B4GALNT3: variants seen among roughly 807,000 people sequenced by gnomAD.
B4GALNT3 encodes beta-1,4-N-acetyl-galactosaminyltransferase 3.
Under a neutral mutation model 120.2 loss-of-function variants are expected in B4GALNT3, and 86 were observed. The ratio of observed to expected loss-of-function variants is 0.72; its 90% CI spans 0.60 to 0.86. The LOEUF (loss-of-function observed/expected upper bound fraction) is 0.86, where lower values mean the gene tolerates loss of function less well. B4GALNT3 is among the 40% of genes least tolerant of loss of function. The pLI is 0.00. For synonymous variants in B4GALNT3, 518 were observed against 510.4 expected, an observed-to-expected ratio of 1.01 and a Z score of -0.20; for missense variants, 1,167 against 1,298.9, an observed-to-expected ratio of 0.90 and a Z score of 1.56.
intron 1 of B4GALNT3, among the ~76,000 whole-genome samples, chr12:470,684 A>C (rs1946127079): frequency 6.6e-6 from 1 of 152,204 alleles, no homozygotes; most frequent in Non-Finnish European, 1.5e-5. Flanking sequence ...TAGAGAAATG[A>C]GGGAACGAAA....
Position 553,858 on chromosome 12 carries a change from C to G in B4GALNT3, c.1935C>G (p.Phe645Leu), listed in dbSNP as rs1592057270. ...CCTTCAGTGCCCGGAATCTCGACTTCCAAGCCCTGAGGACTGACTGGATCG... is the reference window on the plus strand; with the variant it reads ...CCTTCAGTGCCCGGAATCTCGACTTGCAAGCCCTGAGGACTGACTGGATCG... ...DQTFSARNLD[F>L]QALRTDWIDL... Residue 645 changes from phenylalanine (F) to leucine (L), a missense_variant, in exon 14 of 20, where the codon TTC (phenylalanine) becomes TTG (leucine). Physicochemically the swap from Phe to Leu is conservative, Grantham distance 22. Around this residue, in one of 3 missense-constraint regions of B4GALNT3, gnomAD observed 983 missense variants for 1,102.5 expected, o/e 0.89. Coordinates refer to ENST00000266383, the MANE Select transcript of B4GALNT3 (RefSeq NM_173593.4). 3 of 1,614,182 alleles carry G rather than the reference C, an allele frequency of 1.9e-6. No individual in the cohort carries two copies. The Middle Eastern group carries it at 4.9e-4, about 266-fold the overall frequency.
intron 1 of B4GALNT3, among the ~76,000 whole-genome samples, chr12:494,818 C>CG (rs35825059): frequency 1.1e-3 from 167 of 150,430 alleles, no homozygotes; most frequent in African/African-American, 3.6e-3. Context: ...CTAATGTGTG[C>CG]GGGGGGGAGT....
Position 553,997 on chromosome 12 carries a change from C to T in B4GALNT3, c.2060+14C>T. The T allele has an allele frequency of 3.2e-6, 5 of 1,585,872 alleles. No individual in the cohort carries two copies. Among genetic ancestry groups the T allele is most frequent in the Non-Finnish European group, 4.3e-6 (5 of 1,159,574 alleles). On this transcript the variant is annotated intron_variant, in intron 14 of 19. Transcript: ENST00000266383. ...GAGGAGCCGGGGGTAAGGTAAAGGGCTCTCCTGGGGCCAGGGACTGGGGCA... is the reference window on the plus strand; with the variant it reads ...GAGGAGCCGGGGGTAAGGTAAAGGGTTCTCCTGGGGCCAGGGACTGGGGCA...
At chr12:530,601 G>A (rs1017334798) in intron 1 of B4GALNT3, among the ~76,000 whole-genome samples, 8 of 152,150 alleles carry the variant, frequency 5.3e-5, no homozygotes, top group Admixed American at 3.9e-4. Context: ...TCCTTGACAC[G>A]GATTATCCCG....
intron 1 of B4GALNT3, among the ~76,000 whole-genome samples, chr12:516,955 G>A (rs1481955018): frequency 2.0e-5 from 3 of 152,120 alleles, no homozygotes; most frequent in African/African-American, 7.2e-5. Flanking sequence ...ATGAGGGATT[G>A]GATATGGGGA....
intron 1 of B4GALNT3, among the ~76,000 whole-genome samples, chr12:496,192 A>G (rs1946385947): frequency 6.6e-6 from 1 of 152,092 alleles, no homozygotes; most frequent in African/African-American, 2.4e-5. Flanking sequence ...TCCCTTGTCC[A>G]TCTCTAGCTC....
chr12:528,911 T>C (rs986279051), intron 1 of B4GALNT3, among the ~76,000 whole-genome samples: 3 of 152,228 alleles, frequency 2.0e-5, no homozygotes, highest in African/African-American at 7.2e-5. Flanking sequence ...GTTCAGCTCC[T>C]CTGGATTTCA....
intron 1 of B4GALNT3, among the ~76,000 whole-genome samples, chr12:511,359 C>A (rs375875346): frequency 5.0e-4 from 49 of 97,530 alleles, no homozygotes; most frequent in African/African-American, 2.2e-3. Context: ...TTCCACCTTC[C>A]ACCTTCAACC....
intron 14 of B4GALNT3, among the ~76,000 whole-genome samples, chr12:555,799 T>A (rs1947145387): frequency 6.6e-6 from 1 of 152,054 alleles, no homozygotes; most frequent in African/African-American, 2.4e-5. Flanking sequence ...TTATTTTTTT[T>A]TTTGAGACGG....
chr12:506,777 C>T (rs1190615528), intron 1 of B4GALNT3, among the ~76,000 whole-genome samples: 1 of 152,194 alleles, frequency 6.6e-6, no homozygotes, highest in African/African-American at 2.4e-5. Flanking sequence ...GCTGGGACTA[C>T]AGACACATAC....
chr12:483,446 C>A (rs895267285), intron 1 of B4GALNT3, among the ~76,000 whole-genome samples: 16 of 152,074 alleles, frequency 1.1e-4, no homozygotes, highest in African/African-American at 3.4e-4. Flanking sequence ...CCTGTAATCC[C>A]ATAACTTTGG....
intron 1 of B4GALNT3, among the ~76,000 whole-genome samples, chr12:488,731 G>A (rs569960521): frequency 6.6e-6 from 1 of 152,076 alleles, no homozygotes; most frequent in East Asian, 1.9e-4. Context: ...GAGGTGGGAG[G>A]ACTGCTTGAG....
At position 558,095 on chromosome 12, in the gene B4GALNT3, G is replaced by T. The variant is rs775214999; in HGVS notation, c.2607+7G>T. The T allele has an allele frequency of 8.1e-6, 13 of 1,613,334 alleles. No homozygotes were observed. The South Asian group carries it at 1.2e-4, about 15-fold the overall frequency. ...TGGCATAGACCTCGTGAAGGTAAAG[G>T]GCCTGGATGGGGCCTGCGAGATGGA... is the stretch of plus-strand genomic sequence containing the variant. On this transcript the variant is annotated splice_region_variant and intron_variant, in intron 17 of 19. Coordinates refer to ENST00000266383, the MANE Select transcript of B4GALNT3 (RefSeq NM_173593.4).
chr12:493,908 A>G (rs979039158), intron 1 of B4GALNT3, among the ~76,000 whole-genome samples: 3 of 152,254 alleles, frequency 2.0e-5, no homozygotes, highest in Non-Finnish European at 4.4e-5. Context: ...ACACTTCTCC[A>G]TAGTTCACTC....
chr12:544,823 GCGGGA>G (rs1946971866), intron 4 of B4GALNT3, 54 bp from the exon 5 acceptor site: 1 of 1,554,294 alleles, frequency 6.4e-7, no homozygotes, highest in African/African-American at 1.4e-5. Flanking sequence ...GCCAATCCTG[GCGGGA>G]AGTTTCCTTT....
At chr12:552,358 C>T (rs941665717) in intron 12 of B4GALNT3, 109 bp from the exon 13 acceptor site, 32 of 1,148,970 alleles carry the variant, frequency 2.8e-5, no homozygotes, top group Non-Finnish European at 4.0e-5. Flanking sequence ...CCTCCTTCCT[C>T]CACTCTAGTC....
chr12:523,127 G>T (rs141978315), intron 1 of B4GALNT3, among the ~76,000 whole-genome samples: 4,217 of 152,204 alleles, frequency 0.028, 88 homozygotes, highest in Middle Eastern at 0.078. Flanking sequence ...GTGTCCACAG[G>T]GTGCTGGGGC....
chr12:551,942 C>T, intron 11 of B4GALNT3, 121 bp from the exon 12 acceptor site: 1 of 761,282 alleles, frequency 1.3e-6, no homozygotes, highest in Admixed American at 1.9e-5. Context: ...TCTCTCCCTG[C>T]CAAGGGCGGG....
intron 19 of B4GALNT3, among the ~76,000 whole-genome samples, chr12:560,829 T>C (rs1021775932): frequency 6.6e-6 from 1 of 152,184 alleles, no homozygotes; most frequent in South Asian, 2.1e-4. Context: ...GCAGCCTCCC[T>C]GTGAGAGGGA....
Sources: gnomAD v4.1 joint callset for allele counts (sites outside exome capture counted in the v4.1 genomes callset) on GRCh38, gnomAD v4.1.1 for gene constraint, gnomAD v4.1.1 regional missense constraint, MANE v1.5 for transcripts, NCBI Gene and HGNC (gene_info 2026-07-23, HGNC 2026-07-21) for gene names.